The following PPARA variants were observed in gnomAD, a reference collection of about 807,000 sequenced individuals.
PPARA encodes the protein peroxisome proliferator-activated receptor alpha.
PPARA carries 22 observed loss-of-function variants against 42.2 expected under a neutral mutation model. The ratio of observed to expected loss-of-function variants is 0.52; its 90% confidence interval spans 0.37 to 0.74. The LOEUF is 0.74. Among genes scored for constraint, PPARA ranks in the 30% least tolerant of loss-of-function variants. The probability of loss-of-function intolerance (pLI) is 0.00; values close to 1 mark genes in which losing one functional copy is unlikely to be tolerated. For synonymous variants in PPARA, 242 were observed against 239.3 expected, an observed-to-expected ratio of 1.01 and a Z score of -0.10; for missense variants, 465 against 608.2, an observed-to-expected ratio of 0.76 and a Z score of 2.48.
At chr22:46,159,775 G>A (rs1925873144) in intron 2 of PPARA, among the ~76,000 whole-genome samples, 1 of 152,184 alleles carries the variant, frequency 6.6e-6, no homozygotes, top group African/African-American at 2.4e-5. Flanking sequence ...AAAATGAGAG[G>A]CATGAAGGGG....
Position 46,221,127 on chromosome 22 carries a change from A to G in PPARA, c.711+1113A>G, listed in dbSNP as rs1004735980. On this transcript the variant is annotated intron_variant, in intron 7 of 8. Coordinates refer to ENST00000407236, the MANE Select transcript of PPARA (RefSeq NM_005036.6). This position sits in a 1 kb window ranked among gnomAD's most constrained non-coding sequence, Gnocchi z 5.9. The stretch of plus-strand genomic sequence containing the variant: ...GGAATTTGACTCATAGCAGAAGGTG[A>G]AGTGGGAGTAGGCGTCTTGCATGGC... Among the ~76,000 whole-genome samples the G allele has an allele frequency of 1.3e-5, 2 of 152,136 alleles. No homozygotes were observed. Among genetic ancestry groups the G allele is most frequent in the African/African-American group, 4.8e-5 (2 of 41,420 alleles).
intron 2 of PPARA, among the ~76,000 whole-genome samples, chr22:46,154,333 G>A (rs1924925942): frequency 6.6e-6 from 1 of 152,180 alleles, no homozygotes; most frequent in Non-Finnish European, 1.5e-5. Flanking sequence ...AAATATTTAA[G>A]TAGCCTGGGC....
Position 46,160,571 on chromosome 22 carries a change from C to T in PPARA, c.-127+8601C>T, listed in dbSNP as rs1446740961. Among the ~76,000 whole-genome samples the T allele has an allele frequency of 6.6e-6, 1 of 152,126 alleles. No individual in the cohort carries two copies. Among genetic ancestry groups the T allele is most frequent in the Non-Finnish European group, 1.5e-5 (1 of 68,028 alleles). ...GCAGCCTCCCAAAGTGCTGGGATTA[C>T]AGGCGTGAGCCACCGCACCTGGCCC... On this transcript the variant is annotated intron_variant, in intron 2 of 8. Coordinates refer to ENST00000407236, the MANE Select transcript of PPARA (RefSeq NM_005036.6). The surrounding 1 kb of genome is among the most constrained non-coding windows in gnomAD (Gnocchi z 4.5).
chr22:46,196,578 T>C lies in PPARA; in HGVS notation c.-42-1764T>C, dbSNP rs1470186192. On this transcript the variant is annotated intron_variant, in intron 3 of 8. Coordinates refer to ENST00000407236, the MANE Select transcript of PPARA (RefSeq NM_005036.6). This position sits in a 1 kb window ranked among gnomAD's most constrained non-coding sequence, Gnocchi z 5.6. The stretch of plus-strand genomic sequence containing the variant: ...TTACACAGCTTGCCCCCTCATTCCC[T>C]GAGGTTATCTCCTGCCCCCTAATCA... 1.3e-5 allele frequency among the ~76,000 whole-genome samples: 2 copies of C among 152,168 alleles called. No homozygotes were observed. The highest frequency in any genetic ancestry group is 6.5e-5 in the Admixed American group (1 of 15,268).
Position 46,165,109 on chromosome 22 carries a change from C to G in PPARA, c.-126-11644C>G, listed in dbSNP as rs894701524. The G allele has an allele frequency of 1.3e-5, 2 of 152,240 alleles. No homozygotes were observed. Among genetic ancestry groups the G allele is most frequent in the Non-Finnish European group, 2.9e-5 (2 of 68,102 alleles). The allele number at this position is 152,240 out of a possible 1,614,324, so 9.4% of individuals were successfully genotyped here. A position where few individuals can be genotyped will look rare whatever the true frequency, so the allele number is the denominator to read the frequency against. ...AGAGTGCAATGCCATGATCTCGGCT[C>G]ACTGCAACCTCTGCCTCCGGGGTAT... On this transcript the variant is annotated intron_variant, in intron 2 of 8. Coordinates refer to ENST00000407236, the MANE Select transcript of PPARA (RefSeq NM_005036.6). This position sits in a 1 kb window ranked among gnomAD's most constrained non-coding sequence, Gnocchi z 5.5.
rs1379402162 is a variant in PPARA, at chr22:46,237,557, C to G, written c.*2177C>G. 6.6e-6 allele frequency: 1 copy of G among 151,488 alleles called. No homozygotes were observed. The highest frequency in any genetic ancestry group is 2.4e-5 in the African/African-American group (1 of 41,022). The allele number at this position is 151,488 out of a possible 1,614,324, so 9.4% of individuals were successfully genotyped here. On this transcript the variant is annotated 3_prime_UTR_variant, in exon 9 of 9. Transcript: ENST00000407236. The surrounding 1 kb of genome is among the most constrained non-coding windows in gnomAD (Gnocchi z 6.7). ...AGGCTGCAGTGAGCTGTGATCTCAC[C>G]ACTGCATTCCAGCCTGGGTGACAGA...
At chr22:46,170,659 C>T (rs1034210546) in intron 2 of PPARA, among the ~76,000 whole-genome samples, 5 of 151,628 alleles carry the variant, frequency 3.3e-5, no homozygotes, top group African/African-American at 1.2e-4. Context: ...AGGAAGATGA[C>T]AGACAAGAAT....
chr22:46,220,895 A>C (rs1934947742), intron 7 of PPARA, among the ~76,000 whole-genome samples: 1 of 151,982 alleles, frequency 6.6e-6, no homozygotes, highest in Non-Finnish European at 1.5e-5. Flanking sequence ...GCAAGCTGAG[A>C]TCATGCCACT....
At position 46,196,050 on chromosome 22, in the gene PPARA, C is replaced by G. The variant is rs528434895; in HGVS notation, c.-42-2292C>G. Among the ~76,000 whole-genome samples the G allele has an allele frequency of 9.9e-5, 15 of 152,234 alleles. No individual in the cohort carries two copies. The highest frequency in any genetic ancestry group is 3.6e-4 in the African/African-American group (15 of 41,526). The stretch of plus-strand genomic sequence containing the variant: ...AGCAATTCTCAGCGCTGCTGCGTTT[C>G]CAGGAGGTAGAAGAACAGTGACAAG... On this transcript the variant is annotated intron_variant, in intron 3 of 8. Coordinates refer to ENST00000407236, the MANE Select transcript of PPARA (RefSeq NM_005036.6). This position sits in a 1 kb window ranked among gnomAD's most constrained non-coding sequence, Gnocchi z 5.6.
rs571817655 is a variant in PPARA, at chr22:46,237,610, C to CAA, written c.*2245_*2246dup. 107 of 105,948 alleles carry CAA rather than the reference C, an allele frequency of 1.0e-3. No homozygotes were observed. Among genetic ancestry groups the CAA allele is most frequent in the African/African-American group, 2.9e-3 (89 of 30,678 alleles). 6.6% of individuals were successfully genotyped at this position (105,948 alleles called of 1,614,324 possible). A position where few individuals can be genotyped will look rare whatever the true frequency, so the allele number is the denominator to read the frequency against. Reference sequence around the variant, plus strand: ...TAGATTCCACCCTCTCCCACCCCGGCAAAAAAAAAAAAAAAAGATGCAATC... The same window carrying CAA: ...TAGATTCCACCCTCTCCCACCCCGGCAAAAAAAAAAAAAAAAAAGATGCAATC... On this transcript the variant is annotated 3_prime_UTR_variant, in exon 9 of 9. Transcript: ENST00000407236. This position sits in a 1 kb window ranked among gnomAD's most constrained non-coding sequence, Gnocchi z 6.7.
rs2147193348 is a variant in PPARA, at chr22:46,171,405, A to G, written c.-126-5348A>G. 6.6e-6 allele frequency: 1 copy of G among 152,622 alleles called. No individual in the cohort carries two copies. The highest frequency in any genetic ancestry group is 2.1e-4 in the South Asian group (1 of 4,834). The allele number at this position is 152,622 out of a possible 1,614,324, so 9.5% of individuals were successfully genotyped here. ...TATGAGAGCTGATCCTCTGGCAGGG[A>G]CAGACAGGTCATGAGTGGAGTGATG... On this transcript the variant is annotated intron_variant, in intron 2 of 8. Coordinates refer to ENST00000407236, the MANE Select transcript of PPARA (RefSeq NM_005036.6). The surrounding 1 kb of genome is among the most constrained non-coding windows in gnomAD (Gnocchi z 5.0).
At chr22:46,179,594 TAA>T (rs1457779852) in intron 3 of PPARA, among the ~76,000 whole-genome samples, 1 of 151,838 alleles carries the variant, frequency 6.6e-6, no homozygotes, top group African/African-American at 2.4e-5. Context: ...AGGTAAAATT[TAA>T]AACTATAAAA....
At position 46,162,641 on chromosome 22, in the gene PPARA, C is replaced by T. The variant is rs1347193517; in HGVS notation, c.-127+10671C>T. On this transcript the variant is annotated intron_variant, in intron 2 of 8. Transcript: ENST00000407236. This position sits in a 1 kb window ranked among gnomAD's most constrained non-coding sequence, Gnocchi z 6.0. ...GACCCCGTGAGGCCAGAGTCCTTGG[C>T]TCATCACTCATGGTTGAACCCGGAG... 6.6e-6 allele frequency among the ~76,000 whole-genome samples: 1 copy of T among 152,192 alleles called. No individual in the cohort carries two copies. Among genetic ancestry groups the T allele is most frequent in the African/African-American group, 2.4e-5 (1 of 41,434 alleles).
In PPARA at chr22:46,215,197, C is replaced by T. The variant is rs1403880940; in HGVS notation, c.233C>T (p.Pro78Leu). 6.2e-7 allele frequency: 1 copy of T among 1,614,086 alleles called. No homozygotes were observed. The highest frequency in any genetic ancestry group is 8.5e-7 in the Non-Finnish European group (1 of 1,180,018). ...GACACGCTTTCACCAGCTTCGAGCC[C>T]CTCCTCGGTGACTTATCCTGTGGTC... ...ITDTLSPASS[P>L]SSVTYPVVPG... Residue 78 changes from proline to leucine, a missense_variant, in exon 5 of 9, where the codon CCC becomes CTC. Physicochemically the swap from Pro to Leu is moderately conservative, Grantham distance 98 (BLOSUM62 -3). Coordinates refer to ENST00000407236, the MANE Select transcript of PPARA (RefSeq NM_005036.6).
chr22:46,225,554 CAT>C lies in PPARA; in HGVS notation c.711+5542_711+5543del, dbSNP rs1191896263. Among the ~76,000 whole-genome samples the C allele has an allele frequency of 6.6e-6, 1 of 152,088 alleles. No individual in the cohort carries two copies. The highest frequency in any genetic ancestry group is 1.5e-5 in the Non-Finnish European group (1 of 67,992). On this transcript the variant is annotated intron_variant, in intron 7 of 8. Coordinates refer to ENST00000407236, the MANE Select transcript of PPARA (RefSeq NM_005036.6). The surrounding 1 kb of genome is among the most constrained non-coding windows in gnomAD (Gnocchi z 4.1). ...ATCCGTGCACACACGGGTACACACA[CAT>C]ACACGTGCACCCACATGCATGCTCA...
chr22:46,192,091 A>G lies in PPARA; in HGVS notation c.-42-6251A>G, dbSNP rs1931643421. 6.6e-6 allele frequency among the ~76,000 whole-genome samples: 1 copy of G among 152,192 alleles called. No individual in the cohort carries two copies. The highest frequency in any genetic ancestry group is 1.5e-5 in the Non-Finnish European group (1 of 68,002). ...AAAAAAGAGAAAGAAAGAAATAGACATTGAACACCTGCTACACAGCAGGGA... is the reference window on the plus strand; with the variant it reads ...AAAAAAGAGAAAGAAAGAAATAGACGTTGAACACCTGCTACACAGCAGGGA... On this transcript the variant is annotated intron_variant, in intron 3 of 8. Transcript: ENST00000407236. This position sits in a 1 kb window ranked among gnomAD's most constrained non-coding sequence, Gnocchi z 4.3.
rs1320433900 is a variant in PPARA at position 46,221,116 on chromosome 22, A to G, written c.711+1102A>G. 1.3e-5 allele frequency among the ~76,000 whole-genome samples: 2 copies of G among 152,186 alleles called. No homozygotes were observed. The highest frequency in any genetic ancestry group is 2.4e-5 in the African/African-American group (1 of 41,440). Reference sequence around the variant, plus strand: ...GGAGGCCTCAGGGAATTTGACTCATAGCAGAAGGTGAAGTGGGAGTAGGCG... The same window carrying G: ...GGAGGCCTCAGGGAATTTGACTCATGGCAGAAGGTGAAGTGGGAGTAGGCG... On this transcript the variant is annotated intron_variant, in intron 7 of 8. Transcript: ENST00000407236. The surrounding 1 kb of genome is among the most constrained non-coding windows in gnomAD (Gnocchi z 5.9).
At chr22:46,205,647 A>G (rs1182045712) in intron 4 of PPARA, among the ~76,000 whole-genome samples, 3 of 131,568 alleles carry the variant, frequency 2.3e-5, no homozygotes, top group Admixed American at 8.6e-5. Context: ...GCTCACTGCA[A>G]CCTCCTTCTC....
At chr22:46,210,007 C>T (rs1002180560) in intron 4 of PPARA, among the ~76,000 whole-genome samples, 13 of 152,018 alleles carry the variant, frequency 8.6e-5, no homozygotes, top group Admixed American at 5.2e-4. Context: ...GGCCTCCCAA[C>T]GTGTTGGGAT....
Sources: gnomAD v4.1 joint callset for allele counts (sites outside exome capture counted in the v4.1 genomes callset) on GRCh38, gnomAD v4.1.1 for gene constraint, Gnocchi (gnomAD v3.1) non-coding constraint, MANE v1.5 for transcripts, NCBI Gene and HGNC (gene_info 2026-07-23, HGNC 2026-07-21) for gene names.